SGK3: variants seen among roughly 807,000 people sequenced by gnomAD.
SGK3 encodes the protein serum/glucocorticoid regulated kinase family member 3.
Under a neutral mutation model 68.5 loss-of-function variants are expected in SGK3, and 47 were observed. That is an observed-to-expected ratio of 0.69 (90% CI 0.54 to 0.87). SGK3 has a LOEUF of 0.87. Among genes scored for constraint, SGK3 ranks in the 40% least tolerant of loss-of-function variants. SGK3 has a pLI of 0.00. For missense variants in SGK3, 479 were observed against 575.5 expected, an observed-to-expected ratio of 0.83 and a Z score of 1.72; for synonymous variants, 181 against 189.1, an observed-to-expected ratio of 0.96 and a Z score of 0.35.
intron 1 of SGK3, chr8:66,767,450 G>A: frequency 7.1e-7 from 1 of 1,411,252 alleles, no homozygotes; most frequent in Non-Finnish European, 1.0e-6. Context: ...AGGGTCAACA[G>A]AATGCTTAAA....
chr8:66,739,996 A>G (rs947670660), intron 1 of SGK3, among the ~76,000 whole-genome samples: 3 of 152,258 alleles, frequency 2.0e-5, no homozygotes, highest in African/African-American at 7.2e-5. Flanking sequence ...TATGGGAACT[A>G]CAATTCAAGA....
intron 1 of SGK3, chr8:66,737,502 C>A (rs1266866711): frequency 2.6e-5 from 4 of 152,168 alleles, no homozygotes; most frequent in Non-Finnish European, 4.4e-5. Context: ...ATTGCCCTTT[C>A]TTTGGCCTAC....
In SGK3 at chr8:66,835,775, A is replaced by G. The variant is rs774165780; in HGVS notation, c.538A>G (p.Lys180Glu). ...KGSFGKVLLA[K>E]RKLDGKFYAV... Reference sequence around the variant, plus strand: ...TTAACTATAACAGGTTCTTCTTGCAAAACGGAAACTGGATGGAAAATTTTA... The same window carrying G: ...TTAACTATAACAGGTTCTTCTTGCAGAACGGAAACTGGATGGAAAATTTTA... The change falls in exon 9 of 17, where the codon AAA becomes GAA. Residue 180 changes from lysine (K) to glutamate (E), a missense_variant. Transcript: ENST00000521198. 6 of 1,611,656 alleles carry G rather than the reference A, an allele frequency of 3.7e-6. No homozygotes were observed. Among genetic ancestry groups the G allele is most frequent in the African/African-American group, 1.3e-5 (1 of 74,910 alleles).
chr8:66,825,145 G>A (rs941830826), intron 6 of SGK3, among the ~76,000 whole-genome samples: 1 of 152,120 alleles, frequency 6.6e-6, no homozygotes, highest in Non-Finnish European at 1.5e-5. Context: ...CAAGCTGAGA[G>A]ATTTCTGGGT....
intron 6 of SGK3, among the ~76,000 whole-genome samples, 183 bp downstream of exon 6, chr8:66,822,642 G>A (rs1265242864): frequency 6.6e-6 from 1 of 151,694 alleles, no homozygotes; most frequent in Admixed American, 6.6e-5. Context: ...CTTTTGAGAT[G>A]GAGTCTCACT....
intron 1 of SGK3, among the ~76,000 whole-genome samples, chr8:66,744,504 TATATATATATATA>T (rs1255607006): frequency 0.027 from 888 of 32,680 alleles, 20 homozygotes; most frequent in Non-Finnish European, 0.04. Flanking sequence ...TATATATATA[TATATATATATATA>T]TATTTTTTTT....
intron 1 of SGK3, among the ~76,000 whole-genome samples, chr8:66,718,194 T>G (rs529159984): frequency 9.3e-5 from 14 of 151,140 alleles, no homozygotes; most frequent in Non-Finnish European, 1.8e-4. Flanking sequence ...TCTGGCTAAT[T>G]TTGTATTTTT....
chr8:66,759,119 C>T (rs1806077265), intron 1 of SGK3, among the ~76,000 whole-genome samples: 1 of 146,316 alleles, frequency 6.8e-6, no homozygotes, highest in Non-Finnish European at 1.5e-5. Context: ...ACTCTGTCTC[C>T]CTGTCTCCCA....
intron 1 of SGK3, among the ~76,000 whole-genome samples, chr8:66,748,747 C>T (rs1304095664): frequency 2.6e-5 from 4 of 152,192 alleles, no homozygotes; most frequent in African/African-American, 9.6e-5. Flanking sequence ...TGAAAATTGC[C>T]TACATACTGT....
Position 66,744,519 on chromosome 8 carries a change from A to ATTT in SGK3, c.-122+31710_-122+31712dup, listed in dbSNP as rs55684607. ...TATATATATATATATATATATATAT[A>ATTT]TTTTTTTTTTTTTTTTTTTTTTTTT... On this transcript the variant is annotated intron_variant, in intron 1 of 16. Coordinates refer to ENST00000521198, the MANE Select transcript of SGK3 (RefSeq NM_001033578.3). Among the ~76,000 whole-genome samples, 70 of 21,220 alleles carry ATTT rather than the reference A, an allele frequency of 3.3e-3. 7 individuals carry two copies. Among genetic ancestry groups the ATTT allele is most frequent in the Admixed American group, 0.012 (19 of 1,524 alleles). The allele number at this position is 21,220 out of a possible 152,430, so 13.9% of individuals were successfully genotyped here.
At chr8:66,775,301 C>T (rs1295359820) in intron 1 of SGK3, 1 of 152,320 alleles carries the variant, frequency 6.6e-6, no homozygotes, top group African/African-American at 2.4e-5. Context: ...CGCCATGCGC[C>T]GGGGGTGGGT....
intron 15 of SGK3, among the ~76,000 whole-genome samples, chr8:66,848,094 G>T (rs946171670): frequency 1.3e-5 from 2 of 152,110 alleles, no homozygotes; most frequent in Admixed American, 6.5e-5. Flanking sequence ...GTGAATAAAA[G>T]ACTTTGCTGC....
At chr8:66,739,239 G>A (rs188682272) in intron 1 of SGK3, among the ~76,000 whole-genome samples, 27 of 152,222 alleles carry the variant, frequency 1.8e-4, no homozygotes, top group Admixed American at 1.0e-3. Flanking sequence ...GTGGAAGGTC[G>A]AAGGGGAAGC....
chr8:66,794,681 G>A (rs61435382), intron 2 of SGK3, among the ~76,000 whole-genome samples: 3,967 of 152,152 alleles, frequency 0.026, 197 homozygotes, highest in African/African-American at 0.09. Flanking sequence ...ACTTGAACAC[G>A]CATCCTCCTC....
intron 1 of SGK3, among the ~76,000 whole-genome samples, chr8:66,751,848 C>A (rs1476107092): frequency 2.6e-5 from 4 of 151,978 alleles, no homozygotes; most frequent in Admixed American, 6.6e-5. Context: ...TCACCGCAAC[C>A]TCCGACTCCC....
At position 66,770,379 on chromosome 8, in the gene SGK3, C is replaced by A. The variant is rs561892539; in HGVS notation, c.-121-23237C>A. Among the ~76,000 whole-genome samples the A allele has an allele frequency of 2.9e-3, 436 of 152,184 alleles. 2 individuals carry two copies. The highest frequency in any genetic ancestry group is 4.9e-3 in the Non-Finnish European group (331 of 68,010). The stretch of plus-strand genomic sequence containing the variant: ...TTGTGATTTTTTTCCTTGCTGAATG[C>A]TGGATATTTTTCTATTCTTACAATT... On this transcript the variant is annotated intron_variant, in intron 1 of 16. Coordinates refer to ENST00000521198, the MANE Select transcript of SGK3 (RefSeq NM_001033578.3).
rs1455803418 is a variant in SGK3 at position 66,861,167 on chromosome 8, G to A, written c.*1586G>A. 1 of 152,154 alleles carries A rather than the reference G, an allele frequency of 6.6e-6. No homozygotes were observed. Among genetic ancestry groups the A allele is most frequent in the Admixed American group, 6.6e-5 (1 of 15,260 alleles). 9.4% of individuals were successfully genotyped at this position (152,154 alleles called of 1,614,324 possible). A position where few individuals can be genotyped will look rare whatever the true frequency, so the allele number is the denominator to read the frequency against. On this transcript the variant is annotated 3_prime_UTR_variant, in exon 17 of 17. Transcript: ENST00000521198. ...AAACAAATTGTGGGTCAAAGTAAAT[G>A]TATACAGTTTTATTACAATGTAACA... is the stretch of plus-strand genomic sequence containing the variant.
At chr8:66,829,332 GCTTTCCCTACC>G (rs937013900) in intron 7 of SGK3, among the ~76,000 whole-genome samples, 32 of 150,984 alleles carry the variant, frequency 2.1e-4, no homozygotes, top group African/African-American at 6.3e-4. Flanking sequence ...TTTATTCTAG[GCTTTCCCTACC>G]CTTTCCCTAC....
chr8:66,721,466 A>G (rs535093274), intron 1 of SGK3, among the ~76,000 whole-genome samples: 1 of 152,218 alleles, frequency 6.6e-6, no homozygotes, highest in African/African-American at 2.4e-5. Context: ...ATGGTAATAC[A>G]TTTAAGAGCA....
Sources: gnomAD v4.1 joint callset for allele counts (sites outside exome capture counted in the v4.1 genomes callset) on GRCh38, gnomAD v4.1.1 for gene constraint, MANE v1.5 for transcripts, NCBI Gene and HGNC (gene_info 2026-07-23, HGNC 2026-07-21) for gene names.